Variants in NGLY1 observed in about 807,000 individuals in gnomAD.
NGLY1 encodes N-glycanase 1.
Under a neutral mutation model 84.6 loss-of-function variants are expected in NGLY1, and 68 were observed. The ratio of observed to expected loss-of-function variants is 0.80; its 90% CI spans 0.66 to 0.98. NGLY1 has a LOEUF of 0.98. Among genes scored for constraint, NGLY1 ranks in the 50% least tolerant of loss-of-function variants. The pLI is 0.00. For missense variants in NGLY1, 779 were observed against 770.2 expected (o/e 1.01, Z -0.14); for synonymous variants, 280 against 275.2 (o/e 1.02, Z -0.17).
At position 25,783,187 on chromosome 3, in the gene NGLY1, C is replaced by T; in HGVS notation, c.131+73G>A. The T allele has an allele frequency of 7.1e-7, 1 of 1,416,238 alleles. No homozygotes were observed. The highest frequency in any genetic ancestry group is 1.4e-5 in the African/African-American group (1 of 69,690). The allele number at this position is 1,416,238 out of a possible 1,614,324, so 87.7% of individuals were successfully genotyped here. A position where few individuals can be genotyped will look rare whatever the true frequency, so the allele number is the denominator to read the frequency against. On this transcript the variant is annotated intron_variant, in intron 1 of 11. Coordinates refer to ENST00000280700, the MANE Select transcript of NGLY1 (RefSeq NM_018297.4). The surrounding 1 kb of genome is among the most constrained non-coding windows in gnomAD (Gnocchi z 4.5). ...CCCTCTGAAGCTCAGGCCGGACGCC[C>T]CAGTCCCTGGCCGAACAAGGTGCCG... is the stretch of plus-strand genomic sequence containing the variant.
intron 3 of NGLY1, among the ~76,000 whole-genome samples, chr3:25,761,191 C>T (rs762349438): frequency 1.3e-5 from 2 of 151,948 alleles, no homozygotes; most frequent in Non-Finnish European, 2.9e-5. Flanking sequence ...TAGTCATGTG[C>T]TAAATAAAAG....
At chr3:25,738,242 A>G (rs1705942009) in intron 5 of NGLY1, among the ~76,000 whole-genome samples, 1 of 152,206 alleles carries the variant, frequency 6.6e-6, no homozygotes, top group Non-Finnish European at 1.5e-5. Flanking sequence ...GTTTAATTCA[A>G]TTTTATCTAA....
intron 10 of NGLY1, among the ~76,000 whole-genome samples, chr3:25,725,441 T>A (rs2125452603): frequency 6.6e-6 from 1 of 152,324 alleles, no homozygotes; most frequent in Non-Finnish European, 1.5e-5. Context: ...TATGAGTCAC[T>A]CTAGCAAATT....
chr3:25,768,266 T>A (rs957619297), intron 2 of NGLY1, among the ~76,000 whole-genome samples: 1 of 142,352 alleles, frequency 7.0e-6, no homozygotes, highest in Admixed American at 7.0e-5. Context: ...CTACTAAAAA[T>A]ACAAAAAAAA....
intron 2 of NGLY1, among the ~76,000 whole-genome samples, chr3:25,774,842 T>C (rs1285681117): frequency 1.3e-5 from 2 of 152,110 alleles, no homozygotes; most frequent in East Asian, 1.9e-4. Flanking sequence ...TCCAGGAAAA[T>C]TCGTGTTCAG....
chr3:25,739,240 C>A (rs1474458993), intron 5 of NGLY1, among the ~76,000 whole-genome samples: 1 of 152,110 alleles, frequency 6.6e-6, no homozygotes, highest in African/African-American at 2.4e-5. Flanking sequence ...TCAAGTTATA[C>A]TTTAGAACAA....
intron 1 of NGLY1, among the ~76,000 whole-genome samples, chr3:25,780,767 A>C (rs1181239067): frequency 6.6e-6 from 1 of 150,844 alleles, no homozygotes; most frequent in Non-Finnish European, 1.5e-5. Context: ...ACTACAGGTG[A>C]GCCACCACGC....
chr3:25,727,508 G>A (rs1028395330), intron 10 of NGLY1, among the ~76,000 whole-genome samples: 2 of 152,136 alleles, frequency 1.3e-5, no homozygotes, highest in Admixed American at 1.3e-4. Context: ...GCTCAGTGGA[G>A]CTTTGCCCAA....
chr3:25,754,663 GGA>G (rs1706937515), intron 3 of NGLY1, among the ~76,000 whole-genome samples: 1 of 67,858 alleles, frequency 1.5e-5, no homozygotes, highest in Non-Finnish European at 5.2e-5. Flanking sequence ...ACAACTGTTA[GGA>G]AAAAAAAAAA....
At chr3:25,721,119 C>T (rs191089015) in intron 10 of NGLY1, among the ~76,000 whole-genome samples, 48 of 152,308 alleles carry the variant, frequency 3.2e-4, no homozygotes, top group South Asian at 8.3e-4. Flanking sequence ...GACACAGGGT[C>T]TCACTCTGTC....
chr3:25,775,638 A>G (rs1708122348), intron 2 of NGLY1, among the ~76,000 whole-genome samples: 1 of 152,244 alleles, frequency 6.6e-6, no homozygotes, highest in African/African-American at 2.4e-5. Flanking sequence ...TACAAAATTA[A>G]ATAAAAATTT....
intron 2 of NGLY1, among the ~76,000 whole-genome samples, chr3:25,768,488 G>C (rs902718377): frequency 6.7e-6 from 1 of 149,190 alleles, no homozygotes; most frequent in African/African-American, 2.5e-5. Context: ...ACCTTAAACT[G>C]TAAGACTACT....
chr3:25,768,044 C>T (rs545473838), intron 2 of NGLY1, among the ~76,000 whole-genome samples: 10 of 126,912 alleles, frequency 7.9e-5, no homozygotes, highest in East Asian at 2.6e-4. Flanking sequence ...ACCCCAGAGG[C>T]GGTGGTTGCA....
chr3:25,736,171 G>C (rs368214097), intron 6 of NGLY1, 22 bp from the exon 7 acceptor site: 30 of 1,604,432 alleles, frequency 1.9e-5, no homozygotes, highest in African/African-American at 8.1e-5. Context: ...AGAGAAAAGA[G>C]AGCAATGGAA....
At chr3:25,778,427 T>C (rs1708251205) in intron 2 of NGLY1, 147 bp downstream of exon 2, 1 of 469,154 alleles carries the variant, frequency 2.1e-6, no homozygotes, top group Non-Finnish European at 3.9e-6. Context: ...GATTTTTAAA[T>C]GTCCAATCAA....
Position 25,783,239 on chromosome 3 carries a change from T to G in NGLY1, c.131+21A>C. 48 of 1,419,962 alleles carry G rather than the reference T, an allele frequency of 3.4e-5. No homozygotes were observed. Among genetic ancestry groups the G allele is most frequent in the Non-Finnish European group, 4.4e-5 (45 of 1,014,396 alleles). The allele number at this position is 1,419,962 out of a possible 1,614,324, so 88.0% of individuals were successfully genotyped here. A position where few individuals can be genotyped will look rare whatever the true frequency, so the allele number is the denominator to read the frequency against. On this transcript the variant is annotated intron_variant, in intron 1 of 11. Coordinates refer to ENST00000280700, the MANE Select transcript of NGLY1 (RefSeq NM_018297.4). The surrounding 1 kb of genome is among the most constrained non-coding windows in gnomAD (Gnocchi z 4.5). ...GGCCCACCCACCCCGGTACCCGCCG[T>G]CCGACCCCGTTGCCCTGCACCTGAG...
chr3:25,756,198 A>T (rs748781969), intron 3 of NGLY1, among the ~76,000 whole-genome samples: 10 of 152,038 alleles, frequency 6.6e-5, no homozygotes, highest in Non-Finnish European at 1.3e-4. Context: ...TAATTCCCCA[A>T]CTGAACTCCC....
chr3:25,740,309 T>C (rs1027970745), intron 4 of NGLY1, among the ~76,000 whole-genome samples: 1 of 152,164 alleles, frequency 6.6e-6, no homozygotes, highest in African/African-American at 2.4e-5. Context: ...AATCCATCCA[T>C]GGATACTCAT....
chr3:25,779,341 C>A (rs1198019654), intron 1 of NGLY1, among the ~76,000 whole-genome samples: 1 of 152,084 alleles, frequency 6.6e-6, no homozygotes, highest in Non-Finnish European at 1.5e-5. Flanking sequence ...AAGTAACCAG[C>A]ACATGAAAAG....
Sources: allele counts gnomAD v4.1 joint callset (sites outside exome capture counted in the v4.1 genomes callset), GRCh38; gene constraint gnomAD v4.1.1; non-coding constraint Gnocchi (gnomAD v3.1); transcripts MANE v1.5; gene names NCBI Gene and HGNC (gene_info 2026-07-23, HGNC 2026-07-21).